ZNF688: variants seen among roughly 807,000 people sequenced by gnomAD.
ZNF688 encodes the protein zinc finger protein 688.
ZNF688 carries 10 observed loss-of-function variants against 13.2 expected under a neutral mutation model. The observed-to-expected ratio is 0.76, with a 90% confidence interval of 0.47 to 1.28. The LOEUF is 1.28. Ranked by LOEUF, ZNF688 falls within the 50% of genes most tolerant of loss-of-function variation. ZNF688 has a pLI of 0.00. For missense variants in ZNF688, 381 were observed against 391.4 expected, an observed-to-expected ratio of 0.97 and a Z score of 0.22; for synonymous variants, 160 against 159.4, an observed-to-expected ratio of 1.00 and a Z score of -0.03.
chr16:30,570,841 C>T (rs567360996), intron 2 of ZNF688, 169 bp downstream of exon 2: 31 of 778,034 alleles, frequency 4.0e-5, no homozygotes, highest in South Asian at 4.0e-4. Flanking sequence ...CTCACAGGAC[C>T]GCTGTCCCAT....
Position 30,570,124 on chromosome 16 carries a change from TC to T in ZNF688, c.622del (p.Glu208SerfsTer129). ...LVSHRRMHSGERPFPCPECGM... is the reference protein window; with the variant it reads ...LVSHRRMHSGXRPFPCPECGM... ...ACACTCGGGGCAGGGGAAAGGCCGCTCCCCCGAGTGCATGCGCCTGTGGCTG... is the reference window on the plus strand; with the variant it reads ...ACACTCGGGGCAGGGGAAAGGCCGCTCCCCGAGTGCATGCGCCTGTGGCTG... On this transcript the variant is annotated frameshift_variant, in exon 3 of 3. Transcript: ENST00000223459. LOFTEE classifies it high-confidence loss of function. 1 of 1,611,188 alleles carries T rather than the reference TC, an allele frequency of 6.2e-7. No individual in the cohort carries two copies. Among genetic ancestry groups the T allele is most frequent in the Non-Finnish European group, 8.5e-7 (1 of 1,178,784 alleles).
chr16:30,578,828 GCT>G, the ZNF688 span: 1 of 81,874 alleles, frequency 1.2e-5, no homozygotes. Flanking sequence ...ACTGCGCCTG[GCT>G]CTTTTTTTTT....
rs569769362 is a variant in ZNF688 at position 30,570,259 on chromosome 16, G to T, written c.488C>A (p.Thr163Lys). ...PPKNAAWDPT[T>K]GAQPPAPIPS... ...TATGGGTGCCGGGGGCTGTGCTCCT[G>T]TGGTCGGGTCCCAGGCAGCATTTTT... Residue 163 changes from threonine (T) to lysine (K), a missense_variant, in exon 3 of 3, where the codon ACA becomes AAA. Thr to Lys is a moderately conservative substitution (Grantham distance 78, BLOSUM62 -1). Transcript: ENST00000223459. 12 of 1,613,794 alleles carry T rather than the reference G, an allele frequency of 7.4e-6. No homozygotes were observed. In the South Asian group the frequency reaches 1.3e-4, roughly 18 times the overall value.
At chr16:30,572,484 T>G, upstream of ZNF688, 1 of 445,958 alleles carries the variant, frequency 2.2e-6, no homozygotes, top group Non-Finnish European at 3.8e-6. Context: ...TCGCTCAGGC[T>G]CTAGACCGAA....
In ZNF688 at chr16:30,569,818, T is replaced by G; in HGVS notation, c.*98A>C. 1 of 1,412,664 alleles carries G rather than the reference T, an allele frequency of 7.1e-7. No homozygotes were observed. The highest frequency in any genetic ancestry group is 2.5e-5 in the East Asian group (1 of 39,786). 87.5% of individuals were successfully genotyped at this position (1,412,664 alleles called of 1,614,324 possible). ...GGATCCTTGAGGAAAGCCCAGGGCA[T>G]GAATTTCAGTTCCGGAGTCCCCGAC... is the stretch of plus-strand genomic sequence containing the variant. On this transcript the variant is annotated 3_prime_UTR_variant, in exon 3 of 3. Transcript: ENST00000223459.
At chr16:30,573,811 TTAA>T (rs1158828862), upstream of ZNF688, 1 of 289,686 alleles carries the variant, frequency 3.5e-6, no homozygotes, top group South Asian at 3.1e-5. Context: ...TTATTAATTG[TTAA>T]TAATTAAATA....
Position 30,570,190 on chromosome 16 carries a change from G to A in ZNF688, c.557C>T (p.Thr186Met), listed in dbSNP as rs769252570. ...GTAGGTGAAGCGGCGGCCGCAGTCC[G>A]TGCACACGTGGCGCCGCTGGCCGGC... is the stretch of plus-strand genomic sequence containing the variant. Reference protein sequence around the residue: ...AQAGQRRHVCTDCGRRFTYPS... With the variant: ...AQAGQRRHVCMDCGRRFTYPS... Residue 186 changes from threonine to methionine, a missense_variant, in exon 3 of 3, where the codon ACG becomes ATG. Physicochemically the swap from Thr to Met is moderately conservative, Grantham distance 81. Coordinates refer to ENST00000223459, the MANE Select transcript of ZNF688 (RefSeq NM_145271.4). 6.2e-7 allele frequency: 1 copy of A among 1,611,692 alleles called. No homozygotes were observed. The highest frequency in any genetic ancestry group is 2.2e-5 in the East Asian group (1 of 44,858).
chr16:30,577,367 C>T (rs1211630664), upstream of ZNF688, among the ~76,000 whole-genome samples: 1 of 151,236 alleles, frequency 6.6e-6, no homozygotes, highest in African/African-American at 2.4e-5. Flanking sequence ...ATTAACTAAA[C>T]AGATTGAAAG....
upstream of ZNF688, chr16:30,572,375 C>A: frequency 1.5e-6 from 2 of 1,313,442 alleles, no homozygotes; most frequent in African/African-American, 1.5e-5. Flanking sequence ...GACGCGCACA[C>A]CCTGGCAAAC....
At chr16:30,573,092 G>T (rs113194115), upstream of ZNF688, among the ~76,000 whole-genome samples, 182 of 151,858 alleles carry the variant, frequency 1.2e-3, no homozygotes, top group African/African-American at 4.2e-3. Flanking sequence ...TTTTAGTAGA[G>T]ACGGGGTTTC....
chr16:30,574,271 C>A (rs1384289209), upstream of ZNF688, among the ~76,000 whole-genome samples: 1 of 151,954 alleles, frequency 6.6e-6, no homozygotes, highest in Non-Finnish European at 1.5e-5. Context: ...TTGGGCTGGG[C>A]ACAGTGGCTT....
chr16:30,571,221 C>T (rs1359518275), intron 1 of ZNF688, 98 bp from the exon 2 acceptor site: 12 of 1,530,130 alleles, frequency 7.8e-6, no homozygotes, highest in Non-Finnish European at 1.1e-5. Context: ...AGCTTATACT[C>T]AACCTGGAAG....
chr16:30,573,791 AATTG>A (rs1236969479), upstream of ZNF688: 4 of 276,056 alleles, frequency 1.4e-5, no homozygotes, highest in African/African-American at 7.0e-5. Flanking sequence ...ATATGTTATT[AATTG>A]ATTAATTATT....
chr16:30,577,860 G>A, the ZNF688 span, among the ~76,000 whole-genome samples: 1 of 151,656 alleles, frequency 6.6e-6, no homozygotes, highest in African/African-American at 2.4e-5. Context: ...AGTAGAGATG[G>A]GGTTTTGCCA....
At chr16:30,575,948 G>A (rs945881502), upstream of ZNF688, among the ~76,000 whole-genome samples, 4 of 152,148 alleles carry the variant, frequency 2.6e-5, no homozygotes, top group South Asian at 2.1e-4. Flanking sequence ...GAGCCACTGC[G>A]CCCAGTCAAG....
At chr16:30,570,986 G>C (rs776825005) in intron 2 of ZNF688, 24 bp downstream of exon 2, 2 of 1,612,894 alleles carry the variant, frequency 1.2e-6, no homozygotes, top group East Asian at 2.2e-5. Context: ...AAACCAAGTG[G>C]GGGGACCCGG....
At chr16:30,575,799 G>A (rs937958153), upstream of ZNF688, among the ~76,000 whole-genome samples, 18 of 148,350 alleles carry the variant, frequency 1.2e-4, no homozygotes, top group African/African-American at 4.0e-4. Context: ...TGGGATTACA[G>A]GCGCGTGCCA....
upstream of ZNF688, chr16:30,572,466 A>C (rs2051702480): frequency 2.5e-5 from 13 of 512,920 alleles, no homozygotes; most frequent in Non-Finnish European, 4.0e-5. Context: ...TGGCATCCGC[A>C]GCTCGGCTCG....
At position 30,571,149 on chromosome 16, in the gene ZNF688, C is replaced by T. The variant is rs757234909; in HGVS notation, c.197-26G>A. Reference sequence around the variant, plus strand: ...CTGGGAGAGAACAGGGATCACAGCGCGGGCCTGAGAGGCCATCGTGGGAAG... The same window carrying T: ...CTGGGAGAGAACAGGGATCACAGCGTGGGCCTGAGAGGCCATCGTGGGAAG... On this transcript the variant is annotated intron_variant, in intron 1 of 2. Transcript: ENST00000223459. The T allele has an allele frequency of 7.7e-6, 12 of 1,560,078 alleles. No individual in the cohort carries two copies. The South Asian group carries it at 1.4e-4, about 18-fold the overall frequency.
Sources: allele counts gnomAD v4.1 joint callset (sites outside exome capture counted in the v4.1 genomes callset), GRCh38; gene constraint gnomAD v4.1.1; transcripts MANE v1.5; gene names NCBI Gene and HGNC (gene_info 2026-07-23, HGNC 2026-07-21).